Variants in RALYL observed in about 807,000 individuals in gnomAD.
RALYL encodes the protein RALY RNA binding protein like.
A neutral mutation model predicts 35.1 loss-of-function variants in RALYL; 29 were observed. The observed-to-expected ratio is 0.83, with a 90% CI of 0.61 to 1.13. The LOEUF (loss-of-function observed/expected upper bound fraction) is 1.13. Ranked by LOEUF, RALYL falls within the 50% of genes most tolerant of loss-of-function variation. The pLI, the probability that RALYL is intolerant of heterozygous loss-of-function variation, is 0.00. For missense variants in RALYL, 359 were observed against 360.4 expected (o/e 1.00, Z 0.03); for synonymous variants, 120 against 127.6 (o/e 0.94, Z 0.40).
intron 7 of RALYL, among the ~76,000 whole-genome samples, chr8:84,874,145 C>G (rs963467294): frequency 2.6e-5 from 4 of 152,188 alleles, no homozygotes; most frequent in African/African-American, 9.6e-5. Flanking sequence ...TAGGAAGAGA[C>G]CCGGTAGGTA....
At chr8:84,196,157 T>G (rs1179840933) in intron 1 of RALYL, among the ~76,000 whole-genome samples, 8 of 152,250 alleles carry the variant, frequency 5.3e-5, no homozygotes, top group Admixed American at 2.0e-4. Context: ...AAATATTTTG[T>G]TTTATTCTGA....
chr8:84,263,667 G>A (rs997786331), intron 1 of RALYL, among the ~76,000 whole-genome samples: 4 of 151,940 alleles, frequency 2.6e-5, no homozygotes, highest in South Asian at 2.1e-4. Context: ...ATAGGTTAAC[G>A]TGTGCCATAA....
intron 1 of RALYL, among the ~76,000 whole-genome samples, chr8:84,273,958 A>G (rs1586696532): frequency 6.6e-6 from 1 of 152,202 alleles, no homozygotes; most frequent in Non-Finnish European, 1.5e-5. Flanking sequence ...TAAAACATGT[A>G]TTTTATGCCT....
chr8:84,498,172 T>C (rs1478301815), intron 1 of RALYL, among the ~76,000 whole-genome samples: 1 of 152,042 alleles, frequency 6.6e-6, no homozygotes, highest in African/African-American at 2.4e-5. Context: ...ATGCTTACCA[T>C]GTATCAACCA....
intron 7 of RALYL, among the ~76,000 whole-genome samples, chr8:84,885,629 G>C (rs766829729): frequency 2.6e-5 from 4 of 152,130 alleles, no homozygotes; most frequent in Non-Finnish European, 5.9e-5. Context: ...TGTATAGCTT[G>C]TGTCTATTTA....
intron 1 of RALYL, among the ~76,000 whole-genome samples, chr8:84,281,897 G>A (rs1217486292): frequency 1.3e-5 from 2 of 151,872 alleles, no homozygotes; most frequent in Non-Finnish European, 2.9e-5. Context: ...TTGAACTTAT[G>A]CCTGAATTCT....
intron 2 of RALYL, among the ~76,000 whole-genome samples, chr8:84,572,288 T>C (rs1242140263): frequency 2.0e-5 from 3 of 151,792 alleles, no homozygotes; most frequent in Non-Finnish European, 4.4e-5. Flanking sequence ...ATTTAGGCCT[T>C]TTATGTTCAA....
At chr8:84,588,539 C>G (rs990062698) in intron 2 of RALYL, among the ~76,000 whole-genome samples, 1 of 152,152 alleles carries the variant, frequency 6.6e-6, no homozygotes, top group Non-Finnish European at 1.5e-5. Flanking sequence ...CACAAAAAAG[C>G]CAGCGTTTCC....
At chr8:84,454,934 A>T (rs1267042204) in intron 1 of RALYL, among the ~76,000 whole-genome samples, 4 of 152,134 alleles carry the variant, frequency 2.6e-5, no homozygotes, top group Non-Finnish European at 4.4e-5. Flanking sequence ...GAAGTAGAGA[A>T]TACTCTTCAC....
At chr8:84,627,090 A>C (rs1822897902) in intron 2 of RALYL, among the ~76,000 whole-genome samples, 1 of 152,128 alleles carries the variant, frequency 6.6e-6, no homozygotes, top group Non-Finnish European at 1.5e-5. Context: ...TTTAATATCC[A>C]AAATCTGTTA....
chr8:84,221,806 A>T (rs1822287043), intron 1 of RALYL, among the ~76,000 whole-genome samples: 1 of 152,098 alleles, frequency 6.6e-6, no homozygotes, highest in African/African-American at 2.4e-5. Context: ...GTTCACTGGA[A>T]TAAAAATGGA....
At chr8:84,365,566 C>A (rs1260300820) in intron 1 of RALYL, among the ~76,000 whole-genome samples, 1 of 152,158 alleles carries the variant, frequency 6.6e-6, no homozygotes, top group African/African-American at 2.4e-5. Context: ...CCACTGATAT[C>A]TAGCACTACC....
chr8:84,742,900 A>G (rs977333932), intron 2 of RALYL, among the ~76,000 whole-genome samples: 1 of 152,008 alleles, frequency 6.6e-6, no homozygotes, highest in Non-Finnish European at 1.5e-5. Flanking sequence ...AAGGGGAACA[A>G]TAGTTGAAAG....
chr8:84,548,748 CTCTT>C (rs2060522158), intron 2 of RALYL, among the ~76,000 whole-genome samples: 1 of 152,086 alleles, frequency 6.6e-6, no homozygotes, highest in Non-Finnish European at 1.5e-5. Flanking sequence ...CTCTTTACTG[CTCTT>C]TCTTCCTCAA....
At chr8:84,802,604 A>AAG (rs1007445208) in intron 3 of RALYL, among the ~76,000 whole-genome samples, 3 of 152,100 alleles carry the variant, frequency 2.0e-5, no homozygotes, top group South Asian at 4.1e-4. Context: ...TTCAAAAAAA[A>AAG]AGAGAGAGAG....
intron 1 of RALYL, chr8:84,185,213 T>C (rs1484087896): frequency 1.6e-6 from 1 of 640,452 alleles, no homozygotes; most frequent in Non-Finnish European, 2.8e-6. Context: ...TAGTTTGCAG[T>C]AATGACCCTA....
chr8:84,291,664 C>T (rs2132234604), intron 1 of RALYL, among the ~76,000 whole-genome samples: 1 of 151,966 alleles, frequency 6.6e-6, no homozygotes, highest in African/African-American at 2.4e-5. Flanking sequence ...AATGTGCTTA[C>T]TATAGATATA....
intron 4 of RALYL, among the ~76,000 whole-genome samples, chr8:84,819,622 T>TA (rs370900419): frequency 2.7e-4 from 41 of 152,204 alleles, no homozygotes; most frequent in African/African-American, 8.7e-4. Context: ...CTTTTACAAT[T>TA]AAAAAAATGT....
In RALYL at chr8:84,888,940, C is replaced by T. The variant is rs141369159; in HGVS notation, c.858+1164C>T. The stretch of plus-strand genomic sequence containing the variant: ...AATTTTTGTAATTTTAATATAGATG[C>T]GGTTTCACCATGTTGGCCAGGCTGG... On this transcript the variant is annotated intron_variant, in intron 8 of 8. Transcript: ENST00000521268. Among the ~76,000 whole-genome samples the T allele has an allele frequency of 8.5e-3, 1,293 of 152,046 alleles. 21 individuals carry two copies. The highest frequency in any genetic ancestry group is 0.029 in the African/African-American group (1,223 of 41,492).
Sources: gnomAD v4.1 joint callset for allele counts (sites outside exome capture counted in the v4.1 genomes callset) on GRCh38, gnomAD v4.1.1 for gene constraint, MANE v1.5 for transcripts, NCBI Gene and HGNC (gene_info 2026-07-23, HGNC 2026-07-21) for gene names.